Variants in ZNF763 observed in about 807,000 individuals in gnomAD.
ZNF763 encodes the protein DNA-binding protein.
ZNF763 carries 33 observed loss-of-function variants against 38.0 expected under a neutral mutation model. The observed-to-expected ratio is 0.87, with a 90% CI of 0.66 to 1.16. The LOEUF (loss-of-function observed/expected upper bound fraction) is 1.16, where lower values mean the gene tolerates loss of function less well. ZNF763 is among the 50% of genes most tolerant of loss of function. ZNF763 has a pLI of 0.00. For synonymous variants in ZNF763, 155 were observed against 160.1 expected (o/e 0.97, Z 0.24); for missense variants, 423 against 469.1 (o/e 0.90, Z 0.91).
Position 11,979,219 on chromosome 19 carries a change from A to G in ZNF763, c.*110A>G. On this transcript the variant is annotated 3_prime_UTR_variant, in exon 4 of 4. Transcript: ENST00000358987. ...ATGCATGCCATGTGGTAAAGCCTTC[A>G]ATCTTTCCAGTTCCTTTCAGTATCA... 6.2e-7 allele frequency: 1 copy of G among 1,611,966 alleles called. No homozygotes were observed. Among genetic ancestry groups the G allele is most frequent in the Non-Finnish European group, 8.5e-7 (1 of 1,179,288 alleles).
Position 11,978,110 on chromosome 19 carries a change from T to C in ZNF763, c.192-6T>C, listed in dbSNP as rs745481819. The C allele has an allele frequency of 1.9e-6, 3 of 1,608,680 alleles. No homozygotes were observed. The highest frequency in any genetic ancestry group is 1.7e-6 in the Non-Finnish European group (2 of 1,178,936). ...CCCTTCATAATGTGCTTCTCACTTT[T>C]GACAGGAGTCTCATAGAAGGGAATG... On this transcript the variant is annotated splice_polypyrimidine_tract_variant and splice_region_variant and intron_variant, in intron 3 of 3. Transcript: ENST00000358987.
At chr19:11,969,307 G>A (rs990165312) in intron 1 of ZNF763, among the ~76,000 whole-genome samples, 4 of 152,156 alleles carry the variant, frequency 2.6e-5, no homozygotes, top group African/African-American at 2.4e-5. Context: ...GTTTTATCAC[G>A]TTCGCCAGGC....
chr19:11,970,943 A>G (rs777609857), intron 1 of ZNF763, among the ~76,000 whole-genome samples: 10 of 152,118 alleles, frequency 6.6e-5, no homozygotes, highest in Non-Finnish European at 1.3e-4. Context: ...AAAAATAAAA[A>G]AAAAACTAAA....
intron 1 of ZNF763, among the ~76,000 whole-genome samples, chr19:11,974,142 CTTT>C (rs1973429008): frequency 8.8e-6 from 1 of 113,444 alleles, no homozygotes; most frequent in African/African-American, 4.3e-5. Context: ...TTCTTTCTTT[CTTT>C]CTTTCTTTCT....
intron 3 of ZNF763, among the ~76,000 whole-genome samples, chr19:11,977,867 TCA>T (rs1468953204): frequency 6.6e-6 from 1 of 152,052 alleles, no homozygotes; most frequent in African/African-American, 2.4e-5. Flanking sequence ...GAAAGAAAAA[TCA>T]CACAGAGTAT....
chr19:11,979,732 A>G lies in ZNF763; in HGVS notation c.*623A>G. On this transcript the variant is annotated 3_prime_UTR_variant, in exon 4 of 4. Coordinates refer to ENST00000358987, the MANE Select transcript of ZNF763 (RefSeq NM_001367172.2). Reference sequence around the variant, plus strand: ...CCTACGAGTGTAAGCAATGTGGGAAAGCCTTCAGATCTGCCCCACACCTTC... The same window carrying G: ...CCTACGAGTGTAAGCAATGTGGGAAGGCCTTCAGATCTGCCCCACACCTTC... 1 of 1,598,618 alleles carries G rather than the reference A, an allele frequency of 6.3e-7. No homozygotes were observed. Among genetic ancestry groups the G allele is most frequent in the Non-Finnish European group, 8.6e-7 (1 of 1,167,978 alleles).
intron 3 of ZNF763, 130 bp from the exon 4 acceptor site, chr19:11,977,986 T>C: frequency 8.7e-7 from 1 of 1,144,448 alleles, no homozygotes; most frequent in Non-Finnish European, 1.2e-6. Flanking sequence ...GTTGTCCATT[T>C]ACCTTCAAAC....
At chr19:11,966,477 A>G (rs912546373) in intron 1 of ZNF763, among the ~76,000 whole-genome samples, 2 of 152,084 alleles carry the variant, frequency 1.3e-5, no homozygotes, top group South Asian at 2.1e-4. Flanking sequence ...GGGTTCAAGC[A>G]ATTCTCCTGC....
chr19:11,972,939 A>G (rs1187808610), intron 1 of ZNF763, among the ~76,000 whole-genome samples: 5 of 151,758 alleles, frequency 3.3e-5, no homozygotes, highest in African/African-American at 1.2e-4. Flanking sequence ...AAAAAAAAAA[A>G]TCATTTTAAA....
chr19:11,975,068 TGTCATAGTACGGGCCAAGA>T (rs1250795745), intron 1 of ZNF763, among the ~76,000 whole-genome samples: 1 of 152,144 alleles, frequency 6.6e-6, no homozygotes, highest in African/African-American at 2.4e-5. Flanking sequence ...GTTTCTTGCA[TGTCATAGTACGGGCCAAGA>T]TGTTATTTTC....
chr19:11,970,470 A>T (rs538560208), intron 1 of ZNF763, among the ~76,000 whole-genome samples: 1 of 152,264 alleles, frequency 6.6e-6, no homozygotes, highest in Non-Finnish European at 1.5e-5. Flanking sequence ...ACATATAAAT[A>T]AAAGAATTCA....
At chr19:11,976,853 A>G in intron 1 of ZNF763, 185 bp from the exon 2 acceptor site, 1 of 1,437,094 alleles carries the variant, frequency 7.0e-7, no homozygotes, top group Non-Finnish European at 9.1e-7. Context: ...TGTTTTGAAA[A>G]TCCATCTCAA....
intron 1 of ZNF763, among the ~76,000 whole-genome samples, chr19:11,971,576 C>A (rs1392571337): frequency 6.6e-6 from 1 of 152,098 alleles, no homozygotes; most frequent in Non-Finnish European, 1.5e-5. Context: ...TTATAAATTT[C>A]ATGGAATAAA....
chr19:11,976,232 A>G (rs1055886015), intron 1 of ZNF763, among the ~76,000 whole-genome samples: 11 of 151,378 alleles, frequency 7.3e-5, no homozygotes, highest in African/African-American at 2.7e-4. Flanking sequence ...TTTTTTCTGC[A>G]TATTAATTCA....
chr19:11,967,690 A>C (rs1973264894), intron 1 of ZNF763, among the ~76,000 whole-genome samples: 1 of 152,222 alleles, frequency 6.6e-6, no homozygotes, highest in East Asian at 1.9e-4. Context: ...GGCGTGAGCC[A>C]CCATGTCCGG....
intron 1 of ZNF763, 78 bp downstream of exon 1, chr19:11,965,289 C>T (rs1973201522): frequency 2.5e-6 from 4 of 1,599,852 alleles, no homozygotes; most frequent in East Asian, 2.3e-5. Context: ...CGGCGGGACC[C>T]GGGCCTCCCT....
At position 11,979,335 on chromosome 19, in the gene ZNF763, G is replaced by T. The variant is rs73510924; in HGVS notation, c.*226G>T. The T allele has an allele frequency of 2.8e-4, 458 of 1,608,858 alleles. 2 individuals carry two copies. The highest frequency in any genetic ancestry group is 9.5e-5 in the Non-Finnish European group (112 of 1,177,692). ...CCCCACACCTTCGAAGGCATGGTAG[G>T]ACTCACTGGAGAGAAACCCTATGAG... On this transcript the variant is annotated 3_prime_UTR_variant, in exon 4 of 4. Coordinates refer to ENST00000358987, the MANE Select transcript of ZNF763 (RefSeq NM_001367172.2).
chr19:11,977,338 C>A, intron 2 of ZNF763, 33 bp from the exon 3 acceptor site: 12 of 1,612,042 alleles, frequency 7.4e-6, no homozygotes, highest in Non-Finnish European at 1.0e-5. Context: ...TTTTATATTG[C>A]TTCAGGACTA....
chr19:11,971,997 G>A (rs1376357107), intron 1 of ZNF763, among the ~76,000 whole-genome samples: 1 of 151,544 alleles, frequency 6.6e-6, no homozygotes, highest in East Asian at 1.9e-4. Flanking sequence ...AGGAGACAGA[G>A]ATTGCAGTGA....
Sources: gnomAD v4.1 joint callset for allele counts (sites outside exome capture counted in the v4.1 genomes callset) on GRCh38, gnomAD v4.1.1 for gene constraint, MANE v1.5 for transcripts, NCBI Gene and HGNC (gene_info 2026-07-23, HGNC 2026-07-21) for gene names.